Variants in SYNE2 observed in about 807,000 individuals in gnomAD.
SYNE2 encodes spectrin repeat containing nuclear envelope protein 2, also known as nesprin-2.
A neutral mutation model predicts 856.3 loss-of-function variants in SYNE2; 431 were observed. The observed-to-expected ratio is 0.50, with a 90% confidence interval of 0.47 to 0.55. The LOEUF (loss-of-function observed/expected upper bound fraction) is 0.55, where lower values mean the gene tolerates loss of function less well. SYNE2 is among the 20% of genes least tolerant of loss of function. The pLI is 0.00. For missense variants in SYNE2, 8,129 were observed against 8,023.2 expected (o/e 1.01, Z -0.50); for synonymous variants, 2,923 against 2,872.3 (o/e 1.02, Z -0.56).
At chr14:63,954,464 C>T (rs1487996416) in intron 7 of SYNE2, among the ~76,000 whole-genome samples, 1 of 152,172 alleles carries the variant, frequency 6.6e-6, no homozygotes, top group Non-Finnish European at 1.5e-5. Context: ...ATTTACATTT[C>T]TAACACCTGC....
At chr14:64,076,666 T>G (rs2097462282) in intron 54 of SYNE2, among the ~76,000 whole-genome samples, 1 of 151,406 alleles carries the variant, frequency 6.6e-6, no homozygotes, top group Non-Finnish European at 1.5e-5. Context: ...TAGCAAGATA[T>G]TTTGATTAGA....
intron 11 of SYNE2, among the ~76,000 whole-genome samples, chr14:63,974,729 T>TATATAC (rs1365125463): frequency 1.3e-4 from 19 of 149,528 alleles, no homozygotes; most frequent in Admixed American, 1.0e-3. Flanking sequence ...AGCATACATA[T>TATATAC]ATATACATAT....
chr14:64,111,941 TATAATA>T (rs762393493), intron 65 of SYNE2, among the ~76,000 whole-genome samples: 1 of 152,106 alleles, frequency 6.6e-6, no homozygotes, highest in Non-Finnish European at 1.5e-5. Context: ...TGAAGAAAAT[TATAATA>T]ATAGATTAAT....
intron 1 of SYNE2, among the ~76,000 whole-genome samples, chr14:63,810,793 T>C (rs1888586913): frequency 6.6e-6 from 1 of 152,226 alleles, no homozygotes; most frequent in South Asian, 2.1e-4. Flanking sequence ...ATACTTGCTT[T>C]TCTCTCTGAC....
chr14:64,183,175 CA>C (rs1567573250), intron 96 of SYNE2, among the ~76,000 whole-genome samples: 5 of 146,768 alleles, frequency 3.4e-5, no homozygotes, highest in African/African-American at 1.0e-4. Context: ...GACTGCCGGG[CA>C]GAGACGCTCC....
At chr14:64,190,706 T>C (rs992332898) in intron 99 of SYNE2, 9 of 679,898 alleles carry the variant, frequency 1.3e-5, no homozygotes, top group African/African-American at 5.3e-5. Flanking sequence ...ACTCTTAAAG[T>C]GTGTGGGCTC....
intron 7 of SYNE2, among the ~76,000 whole-genome samples, chr14:63,950,303 C>G (rs1940731141): frequency 6.6e-6 from 1 of 152,162 alleles, no homozygotes. Flanking sequence ...CCTATAATCC[C>G]AGCACTTTGG....
At chr14:64,102,202 C>T (rs534709246) in intron 64 of SYNE2, among the ~76,000 whole-genome samples, 160 bp downstream of exon 64, 2 of 152,294 alleles carry the variant, frequency 1.3e-5, no homozygotes, top group Non-Finnish European at 2.9e-5. Flanking sequence ...CTGCAACCTC[C>T]GCCTCTTAGG....
intron 90 of SYNE2, 82 bp downstream of exon 90, chr14:64,165,492 G>A (rs1482850312): frequency 1.4e-6 from 2 of 1,463,224 alleles, no homozygotes; most frequent in Non-Finnish European, 1.9e-6. Flanking sequence ...TGAACTTATG[G>A]AATGCTTGCA....
At chr14:63,951,299 T>TA (rs1373583290) in intron 7 of SYNE2, among the ~76,000 whole-genome samples, 3 of 152,034 alleles carry the variant, frequency 2.0e-5, no homozygotes, top group Non-Finnish European at 4.4e-5. Flanking sequence ...CTTTCAGCCT[T>TA]ACTTTTCTTT....
intron 97 of SYNE2, among the ~76,000 whole-genome samples, chr14:64,187,491 G>T (rs1317323717): frequency 6.6e-6 from 1 of 152,186 alleles, no homozygotes; most frequent in Non-Finnish European, 1.5e-5. Flanking sequence ...AAATCAATCA[G>T]AATGACAATG....
At chr14:64,103,519 G>C (rs1215387649) in intron 64 of SYNE2, among the ~76,000 whole-genome samples, 1 of 152,194 alleles carries the variant, frequency 6.6e-6, no homozygotes, top group East Asian at 1.9e-4. Flanking sequence ...TTTGCTCCCG[G>C]AAGATCTCTG....
At chr14:64,122,638 A>G (rs2097906508) in intron 70 of SYNE2, 1 of 645,558 alleles carries the variant, frequency 1.5e-6, no homozygotes, top group African/African-American at 1.8e-5. Context: ...CAGAGCTGTT[A>G]TTTATAACAA....
At chr14:64,027,001 A>T (rs1374850093) in intron 42 of SYNE2, among the ~76,000 whole-genome samples, 2 of 152,230 alleles carry the variant, frequency 1.3e-5, no homozygotes, top group Non-Finnish European at 1.5e-5. Context: ...GCTGAATCCA[A>T]TGGATGTAAT....
At chr14:63,961,022 C>G (rs2096306523) in intron 8 of SYNE2, 3 of 499,986 alleles carry the variant, frequency 6.0e-6, no homozygotes, top group Admixed American at 3.4e-5. Flanking sequence ...TTTACTTGTT[C>G]CATGAATGAA....
intron 14 of SYNE2, 32 bp downstream of exon 14, chr14:63,979,046 T>G: frequency 1.2e-6 from 2 of 1,608,700 alleles, no homozygotes; most frequent in Non-Finnish European, 1.7e-6. Context: ...CTTAGGCAAC[T>G]CCTCCATCTC....
chr14:64,072,091 A>T (rs1306466866), intron 52 of SYNE2, among the ~76,000 whole-genome samples: 1 of 152,220 alleles, frequency 6.6e-6, no homozygotes, highest in African/African-American at 2.4e-5. Context: ...AGCCCCTAAT[A>T]AGGAATCTTT....
chr14:64,019,872 CAT>C (rs1214837725), intron 34 of SYNE2, 118 bp from the exon 35 acceptor site: 35 of 735,008 alleles, frequency 4.8e-5, no homozygotes, highest in Admixed American at 4.1e-4. Context: ...ACAAAACACA[CAT>C]GATTATGGGA....
At chr14:63,792,186 G>C (rs1002552572) in intron 1 of SYNE2, among the ~76,000 whole-genome samples, 1 of 151,808 alleles carries the variant, frequency 6.6e-6, no homozygotes, top group Non-Finnish European at 1.5e-5. Flanking sequence ...AAATAAATAG[G>C]GTTCAATTAC....
Sources: gnomAD v4.1 joint callset for allele counts (sites outside exome capture counted in the v4.1 genomes callset) on GRCh38, gnomAD v4.1.1 for gene constraint, MANE v1.5 for transcripts, NCBI Gene and HGNC (gene_info 2026-07-23, HGNC 2026-07-21) for gene names.